PIK3C2G: variants seen among roughly 807,000 people sequenced by gnomAD.
PIK3C2G encodes phosphatidylinositol-4-phosphate 3-kinase catalytic subunit type 2 gamma, also known as phosphatidylinositol 3-kinase C2 domain-containing subunit gamma.
A neutral mutation model predicts 181.1 loss-of-function variants in PIK3C2G; 168 were observed. The ratio of observed to expected loss-of-function variants is 0.93; its 90% CI spans 0.82 to 1.05. The LOEUF (loss-of-function observed/expected upper bound fraction) is 1.05, where lower values mean the gene tolerates loss of function less well. PIK3C2G is among the 50% of genes least tolerant of loss of function. The probability of loss-of-function intolerance (pLI) is 0.00; values close to 1 mark genes in which losing one functional copy is unlikely to be tolerated. For synonymous variants in PIK3C2G, 573 were observed against 592.2 expected, an observed-to-expected ratio of 0.97 and a Z score of 0.47; for missense variants, 1,869 against 1,732.8, an observed-to-expected ratio of 1.08 and a Z score of -1.40.
chr12:18,427,605 A>T (rs984728983), intron 18 of PIK3C2G, among the ~76,000 whole-genome samples: 1 of 152,030 alleles, frequency 6.6e-6, no homozygotes, highest in Non-Finnish European at 1.5e-5. Flanking sequence ...GGACCACCTC[A>T]GTAAGTTCTT....
At chr12:18,576,922 A>G (rs1464390746) in intron 29 of PIK3C2G, among the ~76,000 whole-genome samples, 2 of 152,218 alleles carry the variant, frequency 1.3e-5, no homozygotes. Context: ...ATGGATTATT[A>G]TCTTTGCATG....
intron 1 of PIK3C2G, among the ~76,000 whole-genome samples, chr12:18,281,551 T>A (rs1229854590): frequency 6.6e-6 from 1 of 151,996 alleles, no homozygotes. Flanking sequence ...GCTAACCATA[T>A]TAAGGTGATT....
intron 24 of PIK3C2G, among the ~76,000 whole-genome samples, chr12:18,536,049 T>G (rs897825329): frequency 6.6e-6 from 1 of 152,088 alleles, no homozygotes; most frequent in Non-Finnish European, 1.5e-5. Flanking sequence ...ACATGGCACA[T>G]GTATACATAT....
At chr12:18,621,688 C>A (rs1475450497) in intron 31 of PIK3C2G, among the ~76,000 whole-genome samples, 1 of 151,744 alleles carries the variant, frequency 6.6e-6, no homozygotes, top group African/African-American at 2.4e-5. Flanking sequence ...TGCTCTCTTA[C>A]AATCATGCAA....
At chr12:18,608,841 A>C (rs1312829791) in intron 30 of PIK3C2G, among the ~76,000 whole-genome samples, 1 of 152,180 alleles carries the variant, frequency 6.6e-6, no homozygotes, top group African/African-American at 2.4e-5. Context: ...AAATAATCTT[A>C]TGAAAGTTGT....
chr12:18,607,114 G>T (rs562368729), intron 30 of PIK3C2G: 1 of 512,476 alleles, frequency 2.0e-6, no homozygotes, highest in Admixed American at 2.0e-5. Context: ...TAAGGGCTGT[G>T]CTAGGAGAGT....
upstream of PIK3C2G, among the ~76,000 whole-genome samples, chr12:18,244,998 A>C (rs1171771420): frequency 6.6e-6 from 1 of 152,116 alleles, no homozygotes; most frequent in Non-Finnish European, 1.5e-5. Context: ...CAATGTTTCA[A>C]CTGTAAAGAT....
the PIK3C2G span, among the ~76,000 whole-genome samples, chr12:18,723,850 A>G: frequency 3.3e-5 from 5 of 152,110 alleles, no homozygotes; most frequent in Non-Finnish European, 5.9e-5. Context: ...ATATCTTCTT[A>G]AAACCATACC....
At chr12:18,311,294 A>G (rs1459041916) in intron 5 of PIK3C2G, among the ~76,000 whole-genome samples, 1 of 152,008 alleles carries the variant, frequency 6.6e-6, no homozygotes, top group Admixed American at 6.6e-5. Flanking sequence ...AAATTGGCAG[A>G]TGTAGCAAAT....
At chr12:18,471,284 C>T (rs1484464527) in intron 18 of PIK3C2G, among the ~76,000 whole-genome samples, 3 of 152,042 alleles carry the variant, frequency 2.0e-5, no homozygotes, top group South Asian at 2.1e-4. Context: ...AATGGGCATT[C>T]GGGATTAGAG....
At chr12:18,690,440 G>A in the PIK3C2G span, among the ~76,000 whole-genome samples, 27 of 152,102 alleles carry the variant, frequency 1.8e-4, no homozygotes, top group African/African-American at 6.5e-4. Flanking sequence ...AGCCAGGCTG[G>A]TCTTGAACTC....
At chr12:18,428,182 G>A (rs1037499595) in intron 18 of PIK3C2G, among the ~76,000 whole-genome samples, 15 of 151,532 alleles carry the variant, frequency 9.9e-5, no homozygotes, top group African/African-American at 3.4e-4. Context: ...ATATATCAGA[G>A]TTAAAAAATA....
At chr12:18,678,289 C>T in the PIK3C2G span, among the ~76,000 whole-genome samples, 11 of 152,156 alleles carry the variant, frequency 7.2e-5, no homozygotes, top group Middle Eastern at 3.4e-3. Flanking sequence ...TACTGGTCAG[C>T]GTGCTCAAAA....
intron 29 of PIK3C2G, among the ~76,000 whole-genome samples, chr12:18,569,682 T>C (rs1565518440): frequency 6.6e-6 from 1 of 152,172 alleles, no homozygotes; most frequent in Non-Finnish European, 1.5e-5. Context: ...TTCAACCTTA[T>C]AATGACCAGT....
intron 31 of PIK3C2G, among the ~76,000 whole-genome samples, chr12:18,631,053 A>C (rs1471819527): frequency 6.6e-6 from 1 of 152,184 alleles, no homozygotes; most frequent in Non-Finnish European, 1.5e-5. Flanking sequence ...TTAAAGTAAA[A>C]TTTAATTTGC....
intron 5 of PIK3C2G, among the ~76,000 whole-genome samples, chr12:18,302,064 T>G: frequency 6.6e-6 from 1 of 152,192 alleles, no homozygotes; most frequent in East Asian, 1.9e-4. Flanking sequence ...ACAAGGATAC[T>G]GGGTGAATTA....
chr12:18,367,011 CTT>C (rs1242496971), intron 12 of PIK3C2G, among the ~76,000 whole-genome samples: 2 of 152,012 alleles, frequency 1.3e-5, no homozygotes, highest in African/African-American at 2.4e-5. Flanking sequence ...TCCACTGTAA[CTT>C]ATATAATTTC....
chr12:18,245,365 G>A (rs773979271), upstream of PIK3C2G, among the ~76,000 whole-genome samples: 30 of 151,848 alleles, frequency 2.0e-4, no homozygotes, highest in Non-Finnish European at 3.5e-4. Flanking sequence ...AACCTACTCC[G>A]TAGTGAAAGA....
intron 5 of PIK3C2G, among the ~76,000 whole-genome samples, chr12:18,304,399 T>G (rs1043075473): frequency 6.6e-6 from 1 of 152,016 alleles, no homozygotes; most frequent in East Asian, 1.9e-4. Flanking sequence ...TGGGACAACA[T>G]GTGCATGCCA....
Sources: allele counts gnomAD v4.1 joint callset (sites outside exome capture counted in the v4.1 genomes callset), GRCh38; gene constraint gnomAD v4.1.1; transcripts MANE v1.5; gene names NCBI Gene and HGNC (gene_info 2026-07-23, HGNC 2026-07-21).